Variants in CYC1 observed in about 807,000 individuals in gnomAD.
CYC1 encodes cytochrome c1, heme protein, mitochondrial.
A neutral mutation model predicts 33.8 loss-of-function variants in CYC1; 10 were observed. That is an observed-to-expected ratio of 0.30 (90% CI 0.18 to 0.50). CYC1 has a LOEUF of 0.50. CYC1 is among the 20% of genes least tolerant of loss of function. The pLI is 0.98. For synonymous variants in CYC1, 224 were observed against 181.9 expected (o/e 1.23, Z -1.86); for missense variants, 459 against 437.6 (o/e 1.05, Z -0.44).
At position 144,097,444 on chromosome 8, in the gene CYC1, G is replaced by A. The variant is rs747511676; in HGVS notation, c.*108G>A. 3.5e-6 allele frequency: 3 copies of A among 853,302 alleles called. No homozygotes were observed. The highest frequency in any genetic ancestry group is 5.6e-6 in the Non-Finnish European group (3 of 538,054). 52.9% of individuals were successfully genotyped at this position (853,302 alleles called of 1,614,324 possible). ...AAGCCTCTCTTCATCTGGAAGAAGA[G>A]GCAAGGGGGCAGGAGACCAGGCTCT... On this transcript the variant is annotated 3_prime_UTR_variant, in exon 7 of 7. Transcript: ENST00000318911.
intron 1 of CYC1, chr8:144,095,497 C>G: frequency 2.2e-6 from 1 of 450,726 alleles, no homozygotes; most frequent in Non-Finnish European, 3.9e-6. Flanking sequence ...ATGGCGCGCC[C>G]AGGACGGCTC....
rs3211460 is a variant in CYC1, at chr8:144,096,479, A to T, written c.596A>T (p.Tyr199Phe). 3.1e-6 allele frequency: 5 copies of T among 1,614,138 alleles called. No homozygotes were observed. Among genetic ancestry groups the T allele is most frequent in the Middle Eastern group, 1.6e-4 (1 of 6,062 alleles). The change falls in exon 4 of 7, where the codon TAC becomes TTC. Residue 199 changes from tyrosine (Y) to phenylalanine (F), a missense_variant. Transcript: ENST00000318911. ...NNGALPPDLSYIVRARHGGED... is the reference protein window; with the variant it reads ...NNGALPPDLSFIVRARHGGED... ...GGAGCATTGCCCCCTGACCTCAGCT[A>T]CATCGTGCGAGCTAGGTACACGGGC...
intron 5 of CYC1, 129 bp from the exon 6 acceptor site, chr8:144,096,904 CG>C: frequency 8.6e-7 from 1 of 1,162,352 alleles, no homozygotes; most frequent in Non-Finnish European, 1.2e-6. Context: ...TTCAGTTTTG[CG>C]TATGTCCGGT....
Position 144,097,109 on chromosome 8 carries a change from A to G in CYC1, c.848A>G (p.Asp283Gly). 6 of 1,612,106 alleles carry G rather than the reference A, an allele frequency of 3.7e-6. No individual in the cohort carries two copies. Among genetic ancestry groups the G allele is most frequent in the Non-Finnish European group, 5.1e-6 (6 of 1,179,022 alleles). Reference protein sequence around the residue: ...FLRWASEPEHDHRKRMGLKML... With the variant: ...FLRWASEPEHGHRKRMGLKML... ...CGCTGGGCATCTGAGCCAGAGCACG[A>G]CCATCGAAAACGCATGGGGCTCAAG... Residue 283 changes from aspartate to glycine, a missense_variant, in exon 6 of 7, where the codon GAC becomes GGC. By Grantham distance (94) the Asp-to-Gly change is moderately conservative (BLOSUM62 -1). Coordinates refer to ENST00000318911, the MANE Select transcript of CYC1 (RefSeq NM_001916.5).
intron 6 of CYC1, 38 bp downstream of exon 6, chr8:144,097,172 G>A (rs1349886447): frequency 1.2e-6 from 2 of 1,611,492 alleles, no homozygotes; most frequent in Non-Finnish European, 1.7e-6. Flanking sequence ...TATCAGAGAA[G>A]GGCTGGGAGC....
rs1478208596 is a variant in CYC1 at position 144,095,205 on chromosome 8, C to A, written c.106C>A (p.Gln36Lys). The change falls in exon 1 of 7, where the codon CAG becomes AAG. Residue 36 changes from glutamine to lysine, a missense_variant. Gln to Lys is a moderately conservative substitution (Grantham distance 53). Transcript: ENST00000318911. ...TCTGCTGTGCAGCGCGCGTCCCGGG[C>A]AGCTCCCGCTACGGACACCTCAGGT... is the stretch of plus-strand genomic sequence containing the variant. ...RGLLCSARPG[Q>K]LPLRTPQAVA... 1 of 1,202,462 alleles carries A rather than the reference C, an allele frequency of 8.3e-7. No homozygotes were observed. The highest frequency in any genetic ancestry group is 1.6e-5 in the African/African-American group (1 of 63,362). 74.5% of individuals were successfully genotyped at this position (1,202,462 alleles called of 1,614,324 possible).
chr8:144,095,304 G>A (rs1587602342), intron 1 of CYC1, 76 bp downstream of exon 1: 1 of 1,143,318 alleles, frequency 8.7e-7, no homozygotes, highest in Non-Finnish European at 1.1e-6. Context: ...GGCTGCGGGC[G>A]CGGGCCTGGG....
Position 144,096,659 on chromosome 8 carries a change from A to T in CYC1, c.687A>T (p.Glu229Asp). 4.3e-6 allele frequency: 7 copies of T among 1,613,974 alleles called. No homozygotes were observed. The highest frequency in any genetic ancestry group is 5.1e-6 in the Non-Finnish European group (6 of 1,180,012). The change falls in exon 5 of 7, where the codon GAA (glutamate) becomes GAT (aspartate). Residue 229 changes from glutamate to aspartate, a missense_variant. Coordinates refer to ENST00000318911, the MANE Select transcript of CYC1 (RefSeq NM_001916.5). ...CACCCACCGGGGTGTCACTGCGGGA[A>T]GGTCTCTACTTCAACCCCTACTTTC... ...CEPPTGVSLREGLYFNPYFPG... is the reference protein window; with the variant it reads ...CEPPTGVSLRDGLYFNPYFPG...
chr8:144,096,942 G>C lies in CYC1; in HGVS notation c.773-92G>C. 4.0e-6 allele frequency: 5 copies of C among 1,250,812 alleles called. No individual in the cohort carries two copies. The South Asian group carries it at 6.3e-5, about 16-fold the overall frequency. 77.5% of individuals were successfully genotyped at this position (1,250,812 alleles called of 1,614,324 possible). On this transcript the variant is annotated intron_variant, in intron 5 of 6. Transcript: ENST00000318911. ...GAGGGTACTGCCCCTTTGATGCCTTGGGTAGGGGCAGTGTCTGCTTCACAG... is the reference window on the plus strand; with the variant it reads ...GAGGGTACTGCCCCTTTGATGCCTTCGGTAGGGGCAGTGTCTGCTTCACAG...
intron 1 of CYC1, 116 bp downstream of exon 1, chr8:144,095,344 G>A: frequency 1.1e-6 from 1 of 913,174 alleles, no homozygotes; most frequent in Non-Finnish European, 1.4e-6. Context: ...GCCACCCAGC[G>A]TCCCCGGTCC....
rs1213866661 is a variant in CYC1 at position 144,096,107 on chromosome 8, C to T, written c.327-17C>T. On this transcript the variant is annotated splice_polypyrimidine_tract_variant and intron_variant, in intron 2 of 6. Transcript: ENST00000318911. ...AGGTGGAATCTTCAGCTTTCCTAAC[C>T]CTTTCCCTCCCTCCAGCATCCGGAG... is the stretch of plus-strand genomic sequence containing the variant. 1 of 1,610,568 alleles carries T rather than the reference C, an allele frequency of 6.2e-7. No individual in the cohort carries two copies. The highest frequency in any genetic ancestry group is 8.5e-7 in the Non-Finnish European group (1 of 1,179,224).
In CYC1 at chr8:144,096,345, T is replaced by G. The variant is rs1202261731; in HGVS notation, c.462T>G (p.Val154=). The change falls in exon 4 of 7, where the codon GTT becomes GTG. Residue 154 remains valine (V), a synonymous_variant. Coordinates refer to ENST00000318911, the MANE Select transcript of CYC1 (RefSeq NM_001916.5). The part of the protein sequence containing the change: ...EAKELAAEVE[V]QDGPNEDGEM... Reference sequence around the variant, plus strand: ...GAGGCTCTCGGTGGCAGGTGGAGGTTCAAGACGGCCCCAATGAAGATGGGG... The same window carrying G: ...GAGGCTCTCGGTGGCAGGTGGAGGTGCAAGACGGCCCCAATGAAGATGGGG... 3 of 1,611,958 alleles carry G rather than the reference T, an allele frequency of 1.9e-6. No individual in the cohort carries two copies. In the Admixed American group the frequency reaches 5.0e-5, roughly 27 times the overall value.
chr8:144,095,765 C>T, intron 1 of CYC1, 68 bp from the exon 2 acceptor site: 3 of 1,534,940 alleles, frequency 2.0e-6, no homozygotes, highest in Non-Finnish European at 2.6e-6. Context: ...GAGAGGTGGG[C>T]GCTGAGAGTC....
chr8:144,095,245 G>A lies in CYC1; in HGVS notation c.129+17G>A, dbSNP rs1836125948. 8.3e-7 allele frequency: 1 copy of A among 1,197,786 alleles called. No homozygotes were observed. Among genetic ancestry groups the A allele is most frequent in the Middle Eastern group, 3.3e-4 (1 of 3,032 alleles). 74.2% of individuals were successfully genotyped at this position (1,197,786 alleles called of 1,614,324 possible). A position where few individuals can be genotyped will look rare whatever the true frequency, so the allele number is the denominator to read the frequency against. On this transcript the variant is annotated intron_variant, in intron 1 of 6. Transcript: ENST00000318911. Reference sequence around the variant, plus strand: ...ACACCTCAGGTGAGCGCTGGGCCGGGCCCCGGCCTCCGCGCGGCCCCGCAT... The same window carrying A: ...ACACCTCAGGTGAGCGCTGGGCCGGACCCCGGCCTCCGCGCGGCCCCGCAT...
chr8:144,095,092 A>G lies in CYC1; in HGVS notation c.-8A>G, dbSNP rs932159338. On this transcript the variant is annotated 5_prime_UTR_variant, in exon 1 of 7. Transcript: ENST00000318911. Reference sequence around the variant, plus strand: ...GACGGGAGTGGCGGCCGCGCGGAGGAGGCCAAGATGGCGGCAGCTGCGGCT... The same window carrying G: ...GACGGGAGTGGCGGCCGCGCGGAGGGGGCCAAGATGGCGGCAGCTGCGGCT... The G allele has an allele frequency of 1.7e-6, 2 of 1,204,684 alleles. No homozygotes were observed. The highest frequency in any genetic ancestry group is 2.1e-6 in the Non-Finnish European group (2 of 969,370). 74.6% of individuals were successfully genotyped at this position (1,204,684 alleles called of 1,614,324 possible). A position where few individuals can be genotyped will look rare whatever the true frequency, so the allele number is the denominator to read the frequency against.
chr8:144,097,038 C>A lies in CYC1; in HGVS notation c.777C>A (p.Thr259=). 6.2e-7 allele frequency: 1 copy of A among 1,604,970 alleles called. No individual in the cohort carries two copies. The highest frequency in any genetic ancestry group is 8.5e-7 in the Non-Finnish European group (1 of 1,175,010). Residue 259 remains threonine, a synonymous_variant, in exon 6 of 7, where the codon ACC becomes ACA. Transcript: ENST00000318911. Reference sequence around the variant, plus strand: ...TCACTGCTTGTCGTTGGCCAGGCACCCCAGCTACCATGTCCCAGATAGCCA... The same window carrying A: ...TCACTGCTTGTCGTTGGCCAGGCACACCAGCTACCATGTCCCAGATAGCCA... ...YTDVLEFDDG[T]PATMSQIAKD... is the part of the protein sequence containing the mutation.
At chr8:144,097,008 A>G in intron 5 of CYC1, 26 bp from the exon 6 acceptor site, 1 of 1,570,262 alleles carries the variant, frequency 6.4e-7, no homozygotes, top group Middle Eastern at 1.7e-4. Flanking sequence ...GCCTGAGAAT[A>G]GCCCTCACTG....
In CYC1 at chr8:144,096,003, C is replaced by T. The variant is rs780163811; in HGVS notation, c.300C>T (p.Gly100=). The T allele has an allele frequency of 3.7e-6, 6 of 1,604,970 alleles. No individual in the cohort carries two copies. In the East Asian group the frequency reaches 6.7e-5, roughly 18 times the overall value. The stretch of plus-strand genomic sequence containing the variant: ...CCAGCTATCCGTGGTCTCACCGTGG[C>T]CTCCTCTCTTCCTTGGACCACACCA... ...HPPSYPWSHR[G]LLSSLDHTSI... is the part of the protein sequence containing the mutation. Residue 100 remains glycine (G), a synonymous_variant, in exon 2 of 7, where the codon GGC becomes GGT. Transcript: ENST00000318911.
intron 5 of CYC1, 78 bp downstream of exon 5, chr8:144,096,822 G>C (rs1413782148): frequency 4.0e-6 from 6 of 1,504,562 alleles, no homozygotes; most frequent in Non-Finnish European, 5.4e-6. Context: ...CTGTGTTCCT[G>C]GGTCCAGGAG....
Sources: gnomAD v4.1 joint callset for allele counts on GRCh38, gnomAD v4.1.1 for gene constraint, MANE v1.5 for transcripts, NCBI Gene and HGNC (gene_info 2026-07-23, HGNC 2026-07-21) for gene names.